The following ZNF76 variants were observed in gnomAD, a reference collection of about 807,000 sequenced individuals.
The protein encoded by ZNF76 is zinc finger protein 76.
Under a neutral mutation model 66.9 loss-of-function variants are expected in ZNF76, and 66 were observed. The observed-to-expected ratio is 0.99, with a 90% confidence interval of 0.81 to 1.21. ZNF76 has a LOEUF of 1.21. Ranked by LOEUF, ZNF76 falls within the 50% of genes most tolerant of loss-of-function variation. The pLI is 0.00. For synonymous variants in ZNF76, 275 were observed against 296.1 expected, an observed-to-expected ratio of 0.93 and a Z score of 0.73; for missense variants, 729 against 760.3, an observed-to-expected ratio of 0.96 and a Z score of 0.48.
chr6:35,291,033 A>G (rs894627613), intron 7 of ZNF76: 6 of 598,486 alleles, frequency 1.0e-5, no homozygotes, highest in African/African-American at 9.3e-5. Flanking sequence ...TGAAACTAGT[A>G]CCTTTAGCCA....
chr6:35,290,130 A>G, intron 5 of ZNF76, 136 bp from the exon 6 acceptor site: 1 of 1,141,546 alleles, frequency 8.8e-7, no homozygotes. Context: ...TTGTCCGTCT[A>G]GTTATGTTCT....
intron 1 of ZNF76, among the ~76,000 whole-genome samples, chr6:35,271,943 A>T (rs1425900466): frequency 6.6e-6 from 1 of 151,610 alleles, no homozygotes; most frequent in Non-Finnish European, 1.5e-5. Context: ...TTAAAAATTT[A>T]AAAAAAGAAA....
At chr6:35,273,875 T>A (rs571998259) in intron 1 of ZNF76, among the ~76,000 whole-genome samples, 1 of 151,632 alleles carries the variant, frequency 6.6e-6, no homozygotes, top group East Asian at 1.9e-4. Flanking sequence ...AAAAAAAAAT[T>A]GAAGAAAAAA....
rs180973059 is a variant in ZNF76, at chr6:35,287,321, G to T, written c.233-325G>T. 1.3e-3 allele frequency among the ~76,000 whole-genome samples: 197 copies of T among 152,244 alleles called. No homozygotes were observed. The highest frequency in any genetic ancestry group is 2.4e-3 in the Non-Finnish European group (160 of 68,016). ...TCCCGCAAAGATCCCTCTGGATGTT[G>T]TGCTGCCTGGAGGGAACTAGAGGGG... On this transcript the variant is annotated intron_variant, in intron 4 of 13. Transcript: ENST00000373953. The surrounding 1 kb of genome is among the most constrained non-coding windows in gnomAD (Gnocchi z 4.0).
rs763003746 is a variant in ZNF76, at chr6:35,291,231, AC to A, written c.626-43del. 2.0e-5 allele frequency: 31 copies of A among 1,566,328 alleles called. No individual in the cohort carries two copies. The South Asian group carries it at 2.7e-4, about 13-fold the overall frequency. ...CATGAGGTGGACGGTGGAGGATGAGACCCCACTGGGTGCTCATCTCACCCCC... is the reference window on the plus strand; with the variant it reads ...CATGAGGTGGACGGTGGAGGATGAGACCCACTGGGTGCTCATCTCACCCCC... On this transcript the variant is annotated intron_variant, in intron 7 of 13. Transcript: ENST00000373953.
At chr6:35,291,844 T>A (rs780933506) in intron 9 of ZNF76, 107 bp downstream of exon 9, 1 of 1,363,900 alleles carries the variant, frequency 7.3e-7, no homozygotes. Context: ...AACCCTTCTG[T>A]GCCAGCCATT....
At chr6:35,275,693 C>T (rs1222427028) in intron 1 of ZNF76, among the ~76,000 whole-genome samples, 2 of 152,120 alleles carry the variant, frequency 1.3e-5, no homozygotes, top group African/African-American at 4.8e-5. Flanking sequence ...GTTTGTATTA[C>T]GAGACTTAGG....
chr6:35,265,420 T>C (rs779032419), intron 1 of ZNF76, among the ~76,000 whole-genome samples: 3 of 149,994 alleles, frequency 2.0e-5, no homozygotes, highest in African/African-American at 7.4e-5. Flanking sequence ...GGCACGAGAA[T>C]CACTTCAACC....
chr6:35,288,579 C>G (rs1789932823), intron 5 of ZNF76, among the ~76,000 whole-genome samples: 1 of 152,172 alleles, frequency 6.6e-6, no homozygotes, highest in Non-Finnish European at 1.5e-5. Context: ...CAGTTTTACC[C>G]GAAGATGGGG....
chr6:35,291,476 C>A (rs1790368813), intron 8 of ZNF76, 73 bp downstream of exon 8: 3 of 1,611,272 alleles, frequency 1.9e-6, no homozygotes, highest in Non-Finnish European at 2.5e-6. Context: ...CAGACTTAGA[C>A]CTGGAGCCCA....
intron 1 of ZNF76, among the ~76,000 whole-genome samples, chr6:35,278,861 G>A (rs752279478): frequency 6.6e-6 from 1 of 152,250 alleles, no homozygotes; most frequent in Non-Finnish European, 1.5e-5. Context: ...CACAGGATGT[G>A]TGGAGAGCCC....
Position 35,286,173 on chromosome 6 carries a change from C to G in ZNF76, c.119C>G (p.Thr40Ser). 8.7e-6 allele frequency: 14 copies of G among 1,614,122 alleles called. No homozygotes were observed. Among genetic ancestry groups the G allele is most frequent in the Admixed American group, 1.7e-5 (1 of 60,020 alleles). Residue 40 changes from threonine (T) to serine (S), a missense_variant, in exon 3 of 14, where the codon ACC becomes AGC. By Grantham distance (58) the Thr-to-Ser change is moderately conservative. Coordinates refer to ENST00000373953, the MANE Select transcript of ZNF76 (RefSeq NM_003427.5). The part of the protein sequence containing the change: ...EGQVIQLEDG[T>S]TAYIHQVTVQ... ...CAGGTGATCCAGCTCGAGGATGGGA[C>G]CACCGCATACATTCACCAGGTGACG...
Position 35,290,290 on chromosome 6 carries a change from C to T in ZNF76, c.457C>T (p.Arg153Cys), listed in dbSNP as rs546958602. 6.0e-5 allele frequency: 97 copies of T among 1,614,150 alleles called. No individual in the cohort carries two copies. In the South Asian group the frequency reaches 7.8e-4, roughly 13 times the overall value. Residue 153 changes from arginine to cysteine, a missense_variant, in exon 6 of 14, where the codon CGT becomes TGT. Coordinates refer to ENST00000373953, the MANE Select transcript of ZNF76 (RefSeq NM_003427.5). ...GGTTCTTCATGACAGCCAGATTCCC[C>T]GTAATGGAAAAGGGCAGCAAGTTGG... ...SKVLHDSQIP[R>C]NGKGQQVGDR... is the part of the protein sequence containing the mutation.
In ZNF76 at chr6:35,286,424, G is replaced by A. The variant is rs762312414; in HGVS notation, c.232+25G>A. ...GGTAGGGTCACCATCATCACAACTC[G>A]GGGAAGGATGGGAGGCAGGACTGGA... On this transcript the variant is annotated intron_variant, in intron 4 of 13. Coordinates refer to ENST00000373953, the MANE Select transcript of ZNF76 (RefSeq NM_003427.5). The A allele has an allele frequency of 1.9e-5, 30 of 1,607,382 alleles. No homozygotes were observed. In the East Asian group the frequency reaches 4.0e-4, roughly 21 times the overall value.
chr6:35,283,443 G>T (rs564451599), intron 2 of ZNF76, among the ~76,000 whole-genome samples: 2 of 152,298 alleles, frequency 1.3e-5, no homozygotes, highest in Non-Finnish European at 2.9e-5. Context: ...TCTTTAATTA[G>T]GATGAGTATA....
At chr6:35,290,850 GCT>G (rs1256279485) in intron 7 of ZNF76, 134 bp downstream of exon 7, 3 of 834,870 alleles carry the variant, frequency 3.6e-6, no homozygotes, top group Non-Finnish European at 5.8e-6. Context: ...CTTGCAGGGT[GCT>G]CTCTCTGGAG....
chr6:35,273,722 C>CAAAAA (rs35149897), intron 1 of ZNF76, among the ~76,000 whole-genome samples: 1 of 130,152 alleles, frequency 7.7e-6, no homozygotes, highest in African/African-American at 2.9e-5. Flanking sequence ...CTCCATCTCA[C>CAAAAA]AAAAAAAAAA....
In ZNF76 at chr6:35,292,393, A is replaced by G. The variant is rs1790528047; in HGVS notation, c.932-161A>G. ...AACACCTGTGTCCTCTCTGTGTTCC[A>G]CTGGCCATCTTCCCCAACCCTGTCC... On this transcript the variant is annotated intron_variant, in intron 9 of 13. Coordinates refer to ENST00000373953, the MANE Select transcript of ZNF76 (RefSeq NM_003427.5). The surrounding 1 kb of genome is among the most constrained non-coding windows in gnomAD (Gnocchi z 4.7). 1 of 701,794 alleles carries G rather than the reference A, an allele frequency of 1.4e-6. No homozygotes were observed. The highest frequency in any genetic ancestry group is 2.7e-5 in the East Asian group (1 of 36,682). 43.5% of individuals were successfully genotyped at this position (701,794 alleles called of 1,614,324 possible).
intron 7 of ZNF76, 34 bp downstream of exon 7, chr6:35,290,750 G>T (rs755066608): frequency 6.2e-7 from 1 of 1,609,552 alleles, no homozygotes; most frequent in East Asian, 2.2e-5. Context: ...CCAGTTGAGG[G>T]TGGAGGGTTC....
Sources: gnomAD v4.1 joint callset for allele counts (sites outside exome capture counted in the v4.1 genomes callset) on GRCh38, gnomAD v4.1.1 for gene constraint, Gnocchi (gnomAD v3.1) non-coding constraint, MANE v1.5 for transcripts, NCBI Gene and HGNC (gene_info 2026-07-23, HGNC 2026-07-21) for gene names.